The following PALD1 variants were observed in gnomAD, a reference collection of about 807,000 sequenced individuals.
PALD1 encodes paladin.
In PALD1, 57 loss-of-function variants were observed where a neutral mutation model predicts 96.0. The observed-to-expected ratio is 0.59, with a 90% CI of 0.48 to 0.74. The LOEUF is 0.74. Ranked by LOEUF, PALD1 falls within the 30% of genes least tolerant of loss-of-function variation. The pLI, the probability that PALD1 is intolerant of heterozygous loss-of-function variation, is 0.00. For missense variants in PALD1, 1,063 were observed against 1,143.7 expected (o/e 0.93, Z 1.02); for synonymous variants, 464 against 473.6 (o/e 0.98, Z 0.26).
Position 70,538,277 on chromosome 10 carries a change from C to T in PALD1, c.1324-3C>T. ...TTCCTCGTCTCTCTGCCTCGGGCTG[C>T]AGTACCCGCTGGCCTTTGCCCTCAG... On this transcript the variant is annotated splice_region_variant and splice_polypyrimidine_tract_variant and intron_variant, in intron 11 of 19. Transcript: ENST00000263563. The T allele has an allele frequency of 1.2e-6, 2 of 1,601,270 alleles. No individual in the cohort carries two copies. The highest frequency in any genetic ancestry group is 1.7e-6 in the Non-Finnish European group (2 of 1,179,864).
intron 19 of PALD1, among the ~76,000 whole-genome samples, chr10:70,565,901 TG>T (rs1355202956): frequency 6.6e-6 from 1 of 152,058 alleles, no homozygotes; most frequent in Non-Finnish European, 1.5e-5. Context: ...AATCCCCCAC[TG>T]GGGCTGGGGG....
At position 70,533,954 on chromosome 10, in the gene PALD1, C is replaced by T; in HGVS notation, c.903C>T (p.Ala301=). The stretch of plus-strand genomic sequence containing the variant: ...CCAGCCTGCTGCAGCTCCGTGATGC[C>T]CACGGGCCTCCCCCAGCCCTCGTCT... ...ETPSLLQLRD[A]HGPPPALVFS... is the part of the protein sequence containing the mutation. The change falls in exon 8 of 20, where the codon GCC becomes GCT. Residue 301 remains alanine, a synonymous_variant. Transcript: ENST00000263563. 1 of 1,611,134 alleles carries T rather than the reference C, an allele frequency of 6.2e-7. No homozygotes were observed. Among genetic ancestry groups the T allele is most frequent in the Non-Finnish European group, 8.5e-7 (1 of 1,178,410 alleles).
the PALD1 span, among the ~76,000 whole-genome samples, chr10:70,467,047 G>A: frequency 6.6e-6 from 1 of 152,202 alleles, no homozygotes; most frequent in Non-Finnish European, 1.5e-5. Flanking sequence ...AACTCCTGAC[G>A]GGCGGGCCTG....
chr10:70,560,400 C>G (rs4747053), intron 18 of PALD1, among the ~76,000 whole-genome samples: 107,092 of 151,992 alleles, frequency 0.7, 37,786 homozygotes, highest in South Asian at 0.84. Context: ...GATGCCTACT[C>G]TTTGAAGGGT....
At chr10:70,495,192 C>T (rs921706667) in intron 1 of PALD1, among the ~76,000 whole-genome samples, 2 of 152,256 alleles carry the variant, frequency 1.3e-5, no homozygotes, top group East Asian at 3.8e-4. Context: ...TGTCTTCATA[C>T]GTCGGCATAG....
intron 10 of PALD1, among the ~76,000 whole-genome samples, chr10:70,535,587 C>T (rs1477541442): frequency 6.8e-6 from 1 of 146,150 alleles, no homozygotes; most frequent in Non-Finnish European, 1.5e-5. Context: ...CCTCCTTCTT[C>T]CTCCTTCCTT....
chr10:70,554,691 C>T (rs867600639), intron 18 of PALD1, among the ~76,000 whole-genome samples: 1 of 151,800 alleles, frequency 6.6e-6, no homozygotes, highest in Non-Finnish European at 1.5e-5. Flanking sequence ...TTAATGCCAG[C>T]GACACTTTTC....
intron 18 of PALD1, among the ~76,000 whole-genome samples, chr10:70,552,644 C>T (rs1454361537): frequency 1.3e-5 from 2 of 152,114 alleles, no homozygotes; most frequent in African/African-American, 4.8e-5. Context: ...CCTCATGTTA[C>T]TTCTTCTGTG....
intron 18 of PALD1, among the ~76,000 whole-genome samples, chr10:70,560,438 TAAAC>T (rs56089862): frequency 3.3e-5 from 5 of 150,824 alleles, no homozygotes; most frequent in Admixed American, 1.3e-4. Flanking sequence ...AACAAACAAA[TAAAC>T]AAACAAACCA....
At chr10:70,533,890 C>T (rs377217828) in intron 7 of PALD1, 32 bp from the exon 8 acceptor site, 3 of 1,539,640 alleles carry the variant, frequency 1.9e-6, no homozygotes, top group Non-Finnish European at 2.6e-6. Flanking sequence ...TTCCTGGTCT[C>T]ACTGGGGCCT....
chr10:70,560,946 C>T (rs908346624), intron 18 of PALD1, among the ~76,000 whole-genome samples: 2 of 150,082 alleles, frequency 1.3e-5, no homozygotes, highest in Non-Finnish European at 3.0e-5. Flanking sequence ...ACATGGGGGA[C>T]GGTGTTAAGG....
intron 18 of PALD1, among the ~76,000 whole-genome samples, chr10:70,554,906 C>A (rs1167435102): frequency 3.7e-5 from 3 of 80,136 alleles, no homozygotes; most frequent in Admixed American, 1.2e-4. Flanking sequence ...TTGAGCCTCC[C>A]CTCCCCTCTC....
chr10:70,463,131 A>G, the PALD1 span, among the ~76,000 whole-genome samples: 1 of 152,192 alleles, frequency 6.6e-6, no homozygotes, highest in Non-Finnish European at 1.5e-5. Flanking sequence ...TGCGCCGGTC[A>G]TGGTGGCTCA....
At chr10:70,497,516 C>T (rs1350699713) in intron 1 of PALD1, among the ~76,000 whole-genome samples, 2 of 152,148 alleles carry the variant, frequency 1.3e-5, no homozygotes, top group Non-Finnish European at 2.9e-5. Context: ...ATCTCTCCAT[C>T]CTGAGCTCTG....
chr10:70,510,111 A>T (rs1846482888), intron 1 of PALD1, among the ~76,000 whole-genome samples: 1 of 152,022 alleles, frequency 6.6e-6, no homozygotes, highest in Non-Finnish European at 1.5e-5. Flanking sequence ...TGGTGTTGAG[A>T]TGAGGGTGCC....
chr10:70,546,498 G>A (rs1847366061), intron 17 of PALD1, among the ~76,000 whole-genome samples: 1 of 152,074 alleles, frequency 6.6e-6, no homozygotes, highest in Non-Finnish European at 1.5e-5. Flanking sequence ...TGATGTCTTT[G>A]GCTGTGGCAG....
chr10:70,531,648 TC>T (rs1846994226), intron 5 of PALD1, among the ~76,000 whole-genome samples, 194 bp downstream of exon 5: 1 of 152,154 alleles, frequency 6.6e-6, no homozygotes, highest in South Asian at 2.1e-4. Flanking sequence ...TCTCTTTGCC[TC>T]TGCCCCTTTC....
At chr10:70,501,629 T>C (rs4746042) in intron 1 of PALD1, among the ~76,000 whole-genome samples, 125,109 of 152,206 alleles carry the variant, frequency 0.82, 53,425 homozygotes, top group East Asian at 0.96. Context: ...CTGGTGTCAG[T>C]GGCCACTGTG....
intron 1 of PALD1, among the ~76,000 whole-genome samples, chr10:70,488,025 T>G (rs1445374278): frequency 6.6e-6 from 1 of 152,278 alleles, no homozygotes; most frequent in Non-Finnish European, 1.5e-5. Flanking sequence ...TTTTTGAGAT[T>G]CATCTCTGTT....
Sources: gnomAD v4.1 joint callset for allele counts (sites outside exome capture counted in the v4.1 genomes callset) on GRCh38, gnomAD v4.1.1 for gene constraint, MANE v1.5 for transcripts, NCBI Gene and HGNC (gene_info 2026-07-23, HGNC 2026-07-21) for gene names.